GGT7: variants seen among roughly 807,000 people sequenced by gnomAD.
The protein encoded by GGT7 is glutathione hydrolase 7.
Under a neutral mutation model 69.2 loss-of-function variants are expected in GGT7, and 30 were observed. The observed-to-expected ratio is 0.43, with a 90% CI of 0.32 to 0.59. The LOEUF (loss-of-function observed/expected upper bound fraction) is 0.59, where lower values mean the gene tolerates loss of function less well. Ranked by LOEUF, GGT7 falls within the 20% of genes least tolerant of loss-of-function variation. The probability of loss-of-function intolerance (pLI) is 0.05; values close to 1 mark genes in which losing one functional copy is unlikely to be tolerated. For synonymous variants in GGT7, 388 were observed against 391.8 expected (o/e 0.99, Z 0.12); for missense variants, 733 against 901.1 (o/e 0.81, Z 2.39).
chr20:34,851,427 G>T, intron 12 of GGT7, 59 bp from the exon 13 acceptor site: 2 of 1,532,714 alleles, frequency 1.3e-6, no homozygotes, highest in Non-Finnish European at 8.8e-7. Context: ...ACCGGGAAAG[G>T]GCCCCTCCAC....
At chr20:34,867,399 T>C (rs1035424079) in intron 1 of GGT7, among the ~76,000 whole-genome samples, 3 of 152,190 alleles carry the variant, frequency 2.0e-5, no homozygotes, top group African/African-American at 7.2e-5. Context: ...AAAGGTGATA[T>C]TGCCCATCTC....
intron 1 of GGT7, among the ~76,000 whole-genome samples, chr20:34,864,253 G>A (rs1211696095): frequency 6.6e-6 from 1 of 152,082 alleles, no homozygotes; most frequent in Non-Finnish European, 1.5e-5. Context: ...ATGAGAAGGA[G>A]CCAGCTATAA....
Position 34,862,845 on chromosome 20 carries a change from T to C in GGT7, c.526A>G (p.Ile176Val), listed in dbSNP as rs1601240464. 3 of 1,614,076 alleles carry C rather than the reference T, an allele frequency of 1.9e-6. No individual in the cohort carries two copies. Among genetic ancestry groups the C allele is most frequent in the East Asian group, 2.2e-5 (1 of 44,840 alleles). The change falls in exon 3 of 15, where the codon ATC becomes GTC. Residue 176 changes from isoleucine to valine, a missense_variant. Coordinates refer to ENST00000336431, the MANE Select transcript of GGT7 (RefSeq NM_178026.3). ...AGGCCAGAACTGTGTGGAGCCACGA[T>C]ACCCAAACACAAGGCTGCTGCCACC... ...AAVAAALCLGIVAPHSSGLGG... is the reference protein window; with the variant it reads ...AAVAAALCLGVVAPHSSGLGG...
At position 34,859,580 on chromosome 20, in the gene GGT7, G is replaced by A; in HGVS notation, c.877C>T (p.Leu293=). The change falls in exon 7 of 15, where the codon CTG becomes TTG. Residue 293 remains leucine (L), a synonymous_variant. Coordinates refer to ENST00000336431, the MANE Select transcript of GGT7 (RefSeq NM_178026.3). ...GGTAGTGGCGGGCGGCCCGATGGCA[G>A]GAACGTCTCCCGGAAGCGCTCGGAC... ...NMSERFRETF[L]PSGRPPLPGS... is the part of the protein sequence containing the mutation. The A allele has an allele frequency of 6.2e-7, 1 of 1,603,324 alleles. No individual in the cohort carries two copies.
chr20:34,853,388 A>G (rs1170130971), intron 10 of GGT7, among the ~76,000 whole-genome samples: 1 of 145,786 alleles, frequency 6.9e-6, no homozygotes, highest in Non-Finnish European at 1.5e-5. Flanking sequence ...TGTGTTTTAG[A>G]GCAAAGTTTG....
rs771599795 is a variant in GGT7, at chr20:34,856,884, C to T, written c.1024G>A (p.Ala342Thr). Residue 342 changes from alanine to threonine, a missense_variant, in exon 8 of 15, where the codon GCA becomes ACA. Ala to Thr is a moderately conservative substitution (Grantham distance 58). Coordinates refer to ENST00000336431, the MANE Select transcript of GGT7 (RefSeq NM_178026.3). ...TCCTCTTCGGTTATGACACCCCCTGCGTGCTGAGCCTGGAGGGAAGAGAAT... is the reference window on the plus strand; with the variant it reads ...TCCTCTTCGGTTATGACACCCCCTGTGTGCTGAGCCTGGAGGGAAGAGAAT... ...TLEMVAEAQH[A>T]GGVITEEDFS... The T allele has an allele frequency of 2.2e-5, 36 of 1,604,744 alleles. No homozygotes were observed. The East Asian group carries it at 3.1e-4, about 14-fold the overall frequency.
chr20:34,857,507 G>A (rs761218342), intron 7 of GGT7, among the ~76,000 whole-genome samples: 7 of 151,968 alleles, frequency 4.6e-5, no homozygotes, highest in Non-Finnish European at 1.0e-4. Flanking sequence ...ATCCTATCCA[G>A]TGTGCTGTCA....
intron 7 of GGT7, among the ~76,000 whole-genome samples, chr20:34,859,106 G>A (rs1030769087): frequency 1.3e-5 from 2 of 151,858 alleles, no homozygotes; most frequent in African/African-American, 4.8e-5. Context: ...GGAGGCGGAG[G>A]TTGCAGTGAG....
At chr20:34,864,056 T>C (rs538081185) in intron 1 of GGT7, among the ~76,000 whole-genome samples, 2 of 152,144 alleles carry the variant, frequency 1.3e-5, no homozygotes, top group South Asian at 2.1e-4. Flanking sequence ...CCTGCCCTCA[T>C]GTGGTTCATA....
At chr20:34,850,214 C>T (rs1368630810) in intron 13 of GGT7, 154 bp from the exon 14 acceptor site, 4 of 768,352 alleles carry the variant, frequency 5.2e-6, no homozygotes, top group African/African-American at 5.1e-5. Context: ...GACAGGCAGG[C>T]CTGTGATGAC....
At chr20:34,864,366 A>G (rs2079654387) in intron 1 of GGT7, among the ~76,000 whole-genome samples, 1 of 152,068 alleles carries the variant, frequency 6.6e-6, no homozygotes, top group African/African-American at 2.4e-5. Flanking sequence ...AAAAAAAATA[A>G]CCAAGGCCTG....
At chr20:34,870,628 C>G (rs901808511) in intron 1 of GGT7, among the ~76,000 whole-genome samples, 18 of 150,806 alleles carry the variant, frequency 1.2e-4, no homozygotes, top group Admixed American at 2.0e-4. Context: ...CCAGGCCTGG[C>G]TAATTTTTTT....
chr20:34,863,121 G>A lies in GGT7; in HGVS notation c.406-156C>T, dbSNP rs1189823419. Among the ~76,000 whole-genome samples the A allele has an allele frequency of 3.3e-5, 5 of 152,090 alleles. No homozygotes were observed. The highest frequency in any genetic ancestry group is 1.3e-4 in the Admixed American group (2 of 15,268). On this transcript the variant is annotated intron_variant, in intron 2 of 14. Transcript: ENST00000336431. The surrounding 1 kb of genome is among the most constrained non-coding windows in gnomAD (Gnocchi z 4.4). ...TCATTACCCCAAGTGCCTCCTAATG[G>A]ATCTGTCCTTATTCTTCCTTGTTCT...
At position 34,851,078 on chromosome 20, in the gene GGT7, C is replaced by T. The variant is rs776779393; in HGVS notation, c.1725+153G>A. Among the ~76,000 whole-genome samples the T allele has an allele frequency of 4.6e-5, 7 of 152,356 alleles. No homozygotes were observed. The highest frequency in any genetic ancestry group is 8.8e-5 in the Non-Finnish European group (6 of 68,024). On this transcript the variant is annotated intron_variant, in intron 13 of 14. Coordinates refer to ENST00000336431, the MANE Select transcript of GGT7 (RefSeq NM_178026.3). ...CTAAGAAACTCAGCGCAGCCCATGTCCACATTGCCCAGGATGCGCCTGGCA... is the reference window on the plus strand; with the variant it reads ...CTAAGAAACTCAGCGCAGCCCATGTTCACATTGCCCAGGATGCGCCTGGCA...
At chr20:34,862,995 C>A (rs759352027) in intron 2 of GGT7, 30 bp from the exon 3 acceptor site, 31 of 1,598,078 alleles carry the variant, frequency 1.9e-5, no homozygotes, top group Non-Finnish European at 2.6e-5. Flanking sequence ...TTGGTGGGGG[C>A]AGGAGGAGCT....
At position 34,852,275 on chromosome 20, in the gene GGT7, G is replaced by T; in HGVS notation, c.1470-3C>A. 6.2e-7 allele frequency: 1 copy of T among 1,609,834 alleles called. No homozygotes were observed. Among genetic ancestry groups the T allele is most frequent in the Non-Finnish European group, 8.5e-7 (1 of 1,176,106 alleles). ...TGCCAAAGGGCTGGTTCAGGGAGCT[G>T]GGGGCCGAGGTGGGGTTGGGTGAGC... On this transcript the variant is annotated splice_polypyrimidine_tract_variant and splice_region_variant and intron_variant, in intron 11 of 14. Transcript: ENST00000336431.
At chr20:34,853,773 A>C (rs753454804) in intron 10 of GGT7, among the ~76,000 whole-genome samples, 22 of 152,200 alleles carry the variant, frequency 1.4e-4, no homozygotes, top group Non-Finnish European at 2.6e-4. Flanking sequence ...CCTTGTAGAA[A>C]CAGATTTAGA....
intron 3 of GGT7, 93 bp from the exon 4 acceptor site, chr20:34,861,655 G>A (rs925630752): frequency 6.8e-6 from 5 of 737,928 alleles, no homozygotes; most frequent in Non-Finnish European, 1.0e-5. Flanking sequence ...GGTGAGAGCT[G>A]TAGGCTCAGT....
chr20:34,859,527 C>G lies in GGT7; in HGVS notation c.930G>C (p.Leu310=), dbSNP rs2079548911. 1 of 1,612,280 alleles carries G rather than the reference C, an allele frequency of 6.2e-7. No homozygotes were observed. The highest frequency in any genetic ancestry group is 8.5e-7 in the Non-Finnish European group (1 of 1,179,172). ...LPGSLLHRPD[L]AEVLDVLGTS... The stretch of plus-strand genomic sequence containing the variant: ...TGCCAAGTACATCCAGCACCTCAGC[C>G]AGGTCGGGCCGATGCAGCAACGAGC... The change falls in exon 7 of 15, where the codon CTG becomes CTC. Residue 310 remains leucine (L), a synonymous_variant. Transcript: ENST00000336431.
Sources: gnomAD v4.1 joint callset for allele counts (sites outside exome capture counted in the v4.1 genomes callset) on GRCh38, gnomAD v4.1.1 for gene constraint, Gnocchi (gnomAD v3.1) non-coding constraint, MANE v1.5 for transcripts, NCBI Gene and HGNC (gene_info 2026-07-23, HGNC 2026-07-21) for gene names.